Variants in PFN4 observed in about 807,000 individuals in gnomAD.
PFN4 encodes profilin family member 4.
Under a neutral mutation model 16.3 loss-of-function variants are expected in PFN4, and 10 were observed. The observed-to-expected ratio is 0.61, with a 90% CI of 0.38 to 1.04. The LOEUF is 1.04. Ranked by LOEUF, PFN4 falls within the 50% of genes least tolerant of loss-of-function variation. PFN4 has a pLI of 0.01. For missense variants in PFN4, 136 were observed against 153.6 expected, an observed-to-expected ratio of 0.89 and a Z score of 0.61; for synonymous variants, 54 against 56.9, an observed-to-expected ratio of 0.95 and a Z score of 0.23.
chr2:24,119,535 C>G, intron 4 of PFN4, 42 bp downstream of exon 4: 1 of 1,455,650 alleles, frequency 6.9e-7, no homozygotes, highest in Non-Finnish European at 9.6e-7. Flanking sequence ...GAAGACCCAA[C>G]TAACATAGGG....
intron 1 of PFN4, 180 bp from the exon 2 acceptor site, chr2:24,122,727 G>T: frequency 2.1e-6 from 1 of 478,588 alleles, no homozygotes; most frequent in Admixed American, 3.7e-5. Flanking sequence ...GAGGAAAACA[G>T]AATCATAGAA....
chr2:24,117,467 G>C (rs1403295355), intron 4 of PFN4, among the ~76,000 whole-genome samples: 3 of 149,884 alleles, frequency 2.0e-5, no homozygotes, highest in Non-Finnish European at 4.4e-5. Flanking sequence ...TCTCGAGACA[G>C]AGTCTCGCTG....
chr2:24,115,674 T>C (rs1665891716), intron 4 of PFN4, 63 bp from the exon 5 acceptor site: 1 of 1,542,556 alleles, frequency 6.5e-7, no homozygotes, highest in Non-Finnish European at 8.9e-7. Context: ...AAATGATTCA[T>C]TCATCCATTT....
chr2:24,120,770 G>A (rs1422206564), intron 3 of PFN4, among the ~76,000 whole-genome samples: 2 of 151,946 alleles, frequency 1.3e-5, no homozygotes, highest in Non-Finnish European at 2.9e-5. Flanking sequence ...AGCTAGGCTG[G>A]TCTTGAACTC....
Position 24,115,496 on chromosome 2 carries a change from GT to G in PFN4, c.*86del. ...TCTTTTTTAGTGCCTTCTGTCTAGT[GT>G]TTTTTCAACCATAAAATATTTTTTC... On this transcript the variant is annotated 3_prime_UTR_variant, in exon 5 of 5. Coordinates refer to ENST00000313213, the MANE Select transcript of PFN4 (RefSeq NM_199346.3). The G allele has an allele frequency of 1.8e-5, 22 of 1,238,934 alleles. No individual in the cohort carries two copies. Among genetic ancestry groups the G allele is most frequent in the Non-Finnish European group, 2.5e-5 (22 of 869,322 alleles). The allele number at this position is 1,238,934 out of a possible 1,614,324, so 76.7% of individuals were successfully genotyped here. A position where few individuals can be genotyped will look rare whatever the true frequency, so the allele number is the denominator to read the frequency against.
intron 3 of PFN4, 115 bp downstream of exon 3, chr2:24,121,048 G>T: frequency 7.3e-7 from 1 of 1,369,696 alleles, no homozygotes; most frequent in Non-Finnish European, 9.9e-7. Flanking sequence ...TCAAGACAAT[G>T]GCTCAAGACA....
At chr2:24,120,703 G>GCAC (rs71395202) in intron 3 of PFN4, among the ~76,000 whole-genome samples, 17,884 of 151,886 alleles carry the variant, frequency 0.12, 1,234 homozygotes, top group South Asian at 0.18. Flanking sequence ...TTACAAGGGC[G>GCAC]CACCACACCT....
Position 24,115,907 on chromosome 2 carries a change from C to CA in PFN4, c.362-297dup, listed in dbSNP as rs35038662. On this transcript the variant is annotated intron_variant, in intron 4 of 4. Coordinates refer to ENST00000313213, the MANE Select transcript of PFN4 (RefSeq NM_199346.3). ...CTGGAGTATGAATTGGGTTCCCATGCAAAAAAAAAAAAAAAAAAGGATGAA... is the reference window on the plus strand; with the variant it reads ...CTGGAGTATGAATTGGGTTCCCATGCAAAAAAAAAAAAAAAAAAAGGATGAA... Among the ~76,000 whole-genome samples, 442 of 116,978 alleles carry CA rather than the reference C, an allele frequency of 3.8e-3. 1 individual carries two copies. Among genetic ancestry groups the CA allele is most frequent in the African/African-American group, 0.012 (355 of 30,528 alleles). The allele number at this position is 116,978 out of a possible 152,430, so 76.7% of individuals were successfully genotyped here. A position where few individuals can be genotyped will look rare whatever the true frequency, so the allele number is the denominator to read the frequency against.
At chr2:24,120,141 C>T (rs1249849454) in intron 3 of PFN4, among the ~76,000 whole-genome samples, 1 of 152,002 alleles carries the variant, frequency 6.6e-6, no homozygotes, top group Non-Finnish European at 1.5e-5. Flanking sequence ...TGGTGGCAGG[C>T]GCCTGTAACC....
intron 4 of PFN4, among the ~76,000 whole-genome samples, chr2:24,116,030 G>A (rs1364489196): frequency 1.3e-5 from 2 of 151,922 alleles, no homozygotes; most frequent in Non-Finnish European, 2.9e-5. Context: ...CTATGACCTA[G>A]ACTTAAAACT....
chr2:24,122,326 CAAA>C (rs71397404), intron 2 of PFN4, 90 bp downstream of exon 2: 116 of 747,994 alleles, frequency 1.6e-4, no homozygotes, highest in East Asian at 3.0e-4. Flanking sequence ...AATTCCGTCT[CAAA>C]AAAAAAAAAA....
intron 4 of PFN4, among the ~76,000 whole-genome samples, chr2:24,115,907 CAAAAA>C (rs35038662): frequency 9.4e-5 from 11 of 117,038 alleles, no homozygotes; most frequent in Non-Finnish European, 1.4e-4. Flanking sequence ...GGTTCCCATG[CAAAAA>C]AAAAAAAAAA....
intron 4 of PFN4, among the ~76,000 whole-genome samples, chr2:24,117,775 G>A (rs1665969745): frequency 6.6e-6 from 1 of 152,098 alleles, no homozygotes. Context: ...TTTCTACAAT[G>A]ATCACGTATA....
chr2:24,119,676 T>A lies in PFN4; in HGVS notation c.262A>T (p.Thr88Ser). Residue 88 changes from threonine to serine, a missense_variant, in exon 4 of 5, where the codon ACT (threonine) becomes TCT (serine). Coordinates refer to ENST00000313213, the MANE Select transcript of PFN4 (RefSeq NM_199346.3). Reference sequence around the variant, plus strand: ...TGGGTCTTCACGACAACCACACCAGTGTTCTCCTGTATAAAGAATATAAGA... The same window carrying A: ...TGGGTCTTCACGACAACCACACCAGAGTTCTCCTGTATAAAGAATATAAGA... ...EYSLYAKNEN[T>S]GVVVVKTHLY... is the part of the protein sequence containing the mutation. 6.2e-7 allele frequency: 1 copy of A among 1,608,846 alleles called. No individual in the cohort carries two copies. Among genetic ancestry groups the A allele is most frequent in the Non-Finnish European group, 8.5e-7 (1 of 1,175,808 alleles).
intron 3 of PFN4, among the ~76,000 whole-genome samples, chr2:24,120,274 A>AC (rs1411508374): frequency 1.5e-5 from 2 of 133,134 alleles, no homozygotes; most frequent in South Asian, 2.7e-4. Flanking sequence ...GTCTCAAAAA[A>AC]AAAAACAACA....
chr2:24,121,420 T>C (rs997106293), intron 2 of PFN4, 120 bp from the exon 3 acceptor site: 35 of 938,092 alleles, frequency 3.7e-5, no homozygotes, highest in Non-Finnish European at 5.1e-5. Flanking sequence ...TGTTTTTAAA[T>C]GGTTGGGGAA....
At chr2:24,117,917 G>A (rs1382557505) in intron 4 of PFN4, among the ~76,000 whole-genome samples, 4 of 152,216 alleles carry the variant, frequency 2.6e-5, no homozygotes, top group Non-Finnish European at 5.9e-5. Context: ...TTCCAAGATA[G>A]CTGTCCCTTC....
intron 2 of PFN4, among the ~76,000 whole-genome samples, chr2:24,121,901 G>A (rs1480920508): frequency 6.6e-6 from 1 of 152,226 alleles, no homozygotes; most frequent in Non-Finnish European, 1.5e-5. Flanking sequence ...CTTCCAGGCA[G>A]TAGAACTGTG....
At chr2:24,122,326 CAA>C (rs71397404) in intron 2 of PFN4, 91 bp downstream of exon 2, 1,847 of 739,296 alleles carry the variant, frequency 2.5e-3, no homozygotes, top group East Asian at 3.7e-3. Context: ...AATTCCGTCT[CAA>C]AAAAAAAAAA....
Sources: allele counts gnomAD v4.1 joint callset (sites outside exome capture counted in the v4.1 genomes callset), GRCh38; gene constraint gnomAD v4.1.1; transcripts MANE v1.5; gene names NCBI Gene and HGNC (gene_info 2026-07-23, HGNC 2026-07-21).